ANO3: variants seen among roughly 807,000 people sequenced by gnomAD.
ANO3 encodes the protein anoctamin 3.
Under a neutral mutation model 144.8 loss-of-function variants are expected in ANO3, and 99 were observed. That is an observed-to-expected ratio of 0.68 (90% CI 0.58 to 0.81). The LOEUF (loss-of-function observed/expected upper bound fraction) is 0.81. ANO3 is among the 30% of genes least tolerant of loss of function. The pLI is 0.00. For missense variants in ANO3, 905 were observed against 1,202.2 expected (o/e 0.75, Z 3.66); for synonymous variants, 414 against 392.6 (o/e 1.05, Z -0.64).
chr11:26,508,996 C>G (rs1178139764), intron 5 of ANO3, among the ~76,000 whole-genome samples: 3 of 151,302 alleles, frequency 2.0e-5, no homozygotes, highest in African/African-American at 7.3e-5. Context: ...TTGCTAGGTG[C>G]CCCTCAGTAA....
At chr11:26,469,112 G>A (rs1414023009) in intron 4 of ANO3, among the ~76,000 whole-genome samples, 2 of 151,790 alleles carry the variant, frequency 1.3e-5, no homozygotes, top group African/African-American at 2.4e-5. Flanking sequence ...TACTGAAAAG[G>A]CATTATCCTC....
At chr11:26,605,609 T>C (rs1851913798) in intron 17 of ANO3, among the ~76,000 whole-genome samples, 1 of 152,104 alleles carries the variant, frequency 6.6e-6, no homozygotes, top group Non-Finnish European at 1.5e-5. Flanking sequence ...TCAGAATATG[T>C]TACTGTTATT....
At chr11:26,643,044 GGTT>G in intron 22 of ANO3, 135 bp from the exon 23 acceptor site, 9 of 723,420 alleles carry the variant, frequency 1.2e-5, no homozygotes, top group Non-Finnish European at 1.6e-5. Flanking sequence ...TATGAAATAA[GGTT>G]GTCCTAACTG....
At chr11:26,333,108 C>T (rs868244190) in intron 1 of ANO3, among the ~76,000 whole-genome samples, 25 of 152,092 alleles carry the variant, frequency 1.6e-4, no homozygotes, top group Non-Finnish European at 2.4e-4. Context: ...TGCCACTTTG[C>T]TGAATTAATA....
rs1468904492 is a variant in ANO3, at chr11:26,508,109, C to T, written c.438C>T (p.Asp146=). The T allele has an allele frequency of 6.4e-7, 1 of 1,573,210 alleles. No individual in the cohort carries two copies. The highest frequency in any genetic ancestry group is 2.4e-5 in the East Asian group (1 of 42,304). The part of the protein sequence containing the change: ...SEFKTKLSKN[D]MNYIASSGPL... ...AATCATTGCTTTATTTGCAGAATGA[C>T]ATGAATTACATAGCATCCAGTGGAC... is the stretch of plus-strand genomic sequence containing the variant. Residue 146 remains aspartate (D), a synonymous_variant, in exon 5 of 27, where the codon GAC becomes GAT. Coordinates refer to ENST00000256737, the MANE Select transcript of ANO3 (RefSeq NM_031418.4).
intron 1 of ANO3, among the ~76,000 whole-genome samples, chr11:26,383,954 G>C (rs1395391975): frequency 7.7e-6 from 1 of 129,438 alleles, no homozygotes; most frequent in African/African-American, 2.9e-5. Flanking sequence ...CTGGAGTGCA[G>C]TGGTGCGATC....
chr11:26,313,029 A>T (rs1854536752), intron 1 of ANO3, among the ~76,000 whole-genome samples: 1 of 152,204 alleles, frequency 6.6e-6, no homozygotes, highest in Non-Finnish European at 1.5e-5. Context: ...GTTTCAAATC[A>T]GTTGTTCCTA....
chr11:26,350,993 T>C (rs1268103397), intron 1 of ANO3, among the ~76,000 whole-genome samples: 1 of 152,204 alleles, frequency 6.6e-6, no homozygotes, highest in Non-Finnish European at 1.5e-5. Context: ...GGGAGAACTT[T>C]TGAGCTGTAC....
chr11:26,469,894 A>G (rs573037010), intron 4 of ANO3, among the ~76,000 whole-genome samples: 1 of 58,796 alleles, frequency 1.7e-5, no homozygotes, highest in African/African-American at 4.2e-5. Flanking sequence ...ATACAAATGT[A>G]AGCAATGTTT....
chr11:26,370,531 A>C (rs797002479), intron 1 of ANO3, among the ~76,000 whole-genome samples: 5 of 152,320 alleles, frequency 3.3e-5, no homozygotes, highest in African/African-American at 1.2e-4. Flanking sequence ...TAACAGGTAG[A>C]GGTTGCAACA....
intron 14 of ANO3, among the ~76,000 whole-genome samples, chr11:26,585,795 T>C (rs1273667908): frequency 1.3e-5 from 2 of 152,198 alleles, no homozygotes; most frequent in Non-Finnish European, 2.9e-5. Flanking sequence ...GTACTCCAAA[T>C]TTCTCATATG....
intron 14 of ANO3, among the ~76,000 whole-genome samples, chr11:26,570,691 G>C (rs746280994): frequency 6.6e-6 from 1 of 152,044 alleles, no homozygotes; most frequent in Non-Finnish European, 1.5e-5. Flanking sequence ...CAGATGTTAG[G>C]CTACAAATTA....
At position 26,634,095 on chromosome 11, in the gene ANO3, A is replaced by AAAATT. The variant is rs1565155904; in HGVS notation, c.1874-100_1874-96dup. The stretch of plus-strand genomic sequence containing the variant: ...ACTCCATTTCCAAAAAAAAAAAAAA[A>AAAATT]AAATTAAATTAAAAAGACAAACTTG... On this transcript the variant is annotated intron_variant, in intron 18 of 26. Transcript: ENST00000256737. 152 of 517,370 alleles carry AAAATT rather than the reference A, an allele frequency of 2.9e-4. 9 individuals are homozygous for AAAATT. The highest frequency in any genetic ancestry group is 9.5e-4 in the South Asian group (26 of 27,228). The allele number at this position is 517,370 out of a possible 1,614,324, so 32.0% of individuals were successfully genotyped here.
intron 14 of ANO3, chr11:26,565,880 T>G (rs758663678): frequency 5.7e-6 from 9 of 1,565,996 alleles, no homozygotes; most frequent in African/African-American, 1.4e-5. Flanking sequence ...TTGGTATTGG[T>G]TTTTTTTTAA....
intron 17 of ANO3, among the ~76,000 whole-genome samples, chr11:26,621,932 A>G (rs781194283): frequency 3.2e-4 from 48 of 152,148 alleles, no homozygotes; most frequent in Non-Finnish European, 4.7e-4. Flanking sequence ...ACAAGCACGT[A>G]CTCATTCCAC....
At chr11:26,331,926 G>T, upstream of ANO3, 2 of 403,402 alleles carry the variant, frequency 5.0e-6, no homozygotes, top group Non-Finnish European at 9.1e-6. Context: ...ATCAGCTCTA[G>T]AGGTTTGCTC....
At chr11:26,298,340 G>T (rs959495823) in intron 1 of ANO3, among the ~76,000 whole-genome samples, 2 of 152,048 alleles carry the variant, frequency 1.3e-5, no homozygotes, top group African/African-American at 4.8e-5. Flanking sequence ...AAGGAAAAAA[G>T]AAATTGCTGA....
chr11:26,519,062 C>T (rs1861967021), intron 6 of ANO3, among the ~76,000 whole-genome samples: 1 of 152,056 alleles, frequency 6.6e-6, no homozygotes, highest in African/African-American at 2.4e-5. Context: ...TAAATTAATC[C>T]TAATTTCAGG....
At chr11:26,290,832 A>G (rs11029492) in intron 1 of ANO3, among the ~76,000 whole-genome samples, 3,261 of 152,298 alleles carry the variant, frequency 0.021, 60 homozygotes, top group East Asian at 0.12. Context: ...ACTTCCAACA[A>G]TGTGGACAAT....
Sources: allele counts gnomAD v4.1 joint callset (sites outside exome capture counted in the v4.1 genomes callset), GRCh38; gene constraint gnomAD v4.1.1; transcripts MANE v1.5; gene names NCBI Gene and HGNC (gene_info 2026-07-23, HGNC 2026-07-21).